ANK1: variants seen among roughly 807,000 people sequenced by gnomAD.
The protein encoded by ANK1 is ankyrin-1.
ANK1 carries 51 observed loss-of-function variants against 210.4 expected under a neutral mutation model. The ratio of observed to expected loss-of-function variants is 0.24; its 90% CI spans 0.19 to 0.31. ANK1 has a LOEUF of 0.31. ANK1 is among the 10% of genes least tolerant of loss of function. The probability of loss-of-function intolerance (pLI) is 1.00; values close to 1 mark genes in which losing one functional copy is unlikely to be tolerated. For synonymous variants in ANK1, 967 were observed against 1,025.9 expected (o/e 0.94, Z 1.10); for missense variants, 2,051 against 2,504.4 (o/e 0.82, Z 3.86).
chr8:41,669,345 G>A (rs1292493371), intron 38 of ANK1, among the ~76,000 whole-genome samples: 1 of 152,006 alleles, frequency 6.6e-6, no homozygotes, highest in African/African-American at 2.4e-5. Flanking sequence ...CTCCCGGGCT[G>A]CAGTGCAGTG....
intron 16 of ANK1, among the ~76,000 whole-genome samples, chr8:41,710,326 T>C (rs1825794780): frequency 1.3e-5 from 2 of 152,238 alleles, no homozygotes; most frequent in Admixed American, 6.5e-5. Flanking sequence ...CAATTCTCTG[T>C]AAGGTTAAGC....
At chr8:41,703,398 A>ATGTGTGTGTG (rs1350275887) in intron 20 of ANK1, among the ~76,000 whole-genome samples, 2 of 93,256 alleles carry the variant, frequency 2.1e-5, no homozygotes, top group African/African-American at 8.9e-5. Flanking sequence ...ATATATATGT[A>ATGTGTGTGTG]TATGTGTGTG....
intron 24 of ANK1, 39 bp downstream of exon 24, chr8:41,698,004 C>T (rs1349073317): frequency 5.0e-6 from 8 of 1,602,910 alleles, no homozygotes; most frequent in Non-Finnish European, 6.8e-6. Context: ...GGTTTTCATG[C>T]CCTCCATGTG....
chr8:41,800,197 C>T (rs137941774), upstream of ANK1, among the ~76,000 whole-genome samples: 37 of 152,268 alleles, frequency 2.4e-4, no homozygotes, highest in Non-Finnish European at 3.5e-4. Flanking sequence ...CAAGCCCCCA[C>T]CCTTTGTTTA....
At chr8:41,740,979 G>A (rs1459816344) in intron 2 of ANK1, among the ~76,000 whole-genome samples, 1 of 152,186 alleles carries the variant, frequency 6.6e-6, no homozygotes, top group Admixed American at 6.5e-5. Flanking sequence ...GACAGGGCAG[G>A]TGAGGATGCT....
upstream of ANK1, among the ~76,000 whole-genome samples, chr8:41,801,052 A>G (rs1849787629): frequency 6.6e-6 from 1 of 152,232 alleles, no homozygotes; most frequent in Non-Finnish European, 1.5e-5. Flanking sequence ...AAATTCAGCC[A>G]GGATTCATTT....
At chr8:41,803,009 GA>G (rs1329817605) in intron 1 of ANK1, among the ~76,000 whole-genome samples, 1 of 82,810 alleles carries the variant, frequency 1.2e-5, no homozygotes, top group African/African-American at 5.3e-5. Context: ...AAGAAAGAAA[GA>G]AAGAAAGAAA....
At chr8:41,804,534 A>C (rs919995340) in intron 1 of ANK1, among the ~76,000 whole-genome samples, 1 of 152,224 alleles carries the variant, frequency 6.6e-6, no homozygotes, top group South Asian at 2.1e-4. Flanking sequence ...TACTAAACTC[A>C]TAAGGTGAGT....
At chr8:41,790,769 T>C (rs1847502010) in intron 1 of ANK1, among the ~76,000 whole-genome samples, 1 of 152,222 alleles carries the variant, frequency 6.6e-6, no homozygotes, top group East Asian at 1.9e-4. Flanking sequence ...AACTTTAGAC[T>C]TTCTGGCTAA....
chr8:41,834,434 T>C (rs1807242791), intron 1 of ANK1, among the ~76,000 whole-genome samples: 1 of 152,240 alleles, frequency 6.6e-6, no homozygotes, highest in African/African-American at 2.4e-5. Flanking sequence ...ACTGGGGTTT[T>C]GTTCTTGCAA....
chr8:41,745,504 C>T (rs75099048), intron 2 of ANK1, among the ~76,000 whole-genome samples: 7 of 152,002 alleles, frequency 4.6e-5, no homozygotes, highest in African/African-American at 1.2e-4. Context: ...TCTATAGATT[C>T]GGAACTACTA....
intron 1 of ANK1, among the ~76,000 whole-genome samples, chr8:41,803,085 G>GGAAGGGAAGGTAAGGA (rs1563811160): frequency 3.3e-5 from 2 of 59,996 alleles, no homozygotes; most frequent in South Asian, 1.4e-3. Flanking sequence ...GGAAGGAAGG[G>GGAAGGGAAGGTAAGGA]AAGGAAAGGA....
At chr8:41,798,368 CTGGGAA>C (rs1849225256), upstream of ANK1, among the ~76,000 whole-genome samples, 1 of 152,152 alleles carries the variant, frequency 6.6e-6, no homozygotes, top group African/African-American at 2.4e-5. Flanking sequence ...AACAACGTTC[CTGGGAA>C]CCGAGGTGAG....
chr8:41,714,517 C>G (rs141444848), intron 15 of ANK1, among the ~76,000 whole-genome samples: 111 of 152,136 alleles, frequency 7.3e-4, no homozygotes, highest in Non-Finnish European at 8.2e-4. Context: ...AGGCCTTTGA[C>G]AGAAAGGCCA....
chr8:41,674,801 C>T lies in ANK1; in HGVS notation c.4538-1889G>A, dbSNP rs544641877. 5.1e-4 allele frequency among the ~76,000 whole-genome samples: 77 copies of T among 152,316 alleles called. No homozygotes were observed. The Middle Eastern group carries it at 0.02, about 40-fold the overall frequency. On this transcript the variant is annotated intron_variant, in intron 37 of 42. Coordinates refer to ENST00000289734, the MANE Select transcript of ANK1 (RefSeq NM_000037.4). ...GGTTGGGAGAAGGGCTGCACAGCGGCAGAGACTGAGGGAAACCCCTTTTAG... is the reference window on the plus strand; with the variant it reads ...GGTTGGGAGAAGGGCTGCACAGCGGTAGAGACTGAGGGAAACCCCTTTTAG...
At chr8:41,857,219 T>C (rs1214227366) in intron 1 of ANK1, among the ~76,000 whole-genome samples, 1 of 150,198 alleles carries the variant, frequency 6.7e-6, no homozygotes, top group Non-Finnish European at 1.5e-5. Flanking sequence ...TCATGAGAAC[T>C]GAAGAAATTC....
chr8:41,846,896 G>A (rs1213137905), intron 1 of ANK1, among the ~76,000 whole-genome samples: 3 of 152,142 alleles, frequency 2.0e-5, no homozygotes, highest in Non-Finnish European at 4.4e-5. Context: ...CATGGCCCGG[G>A]AGCCTGAAGA....
At chr8:41,739,667 G>A (rs1834264624) in intron 2 of ANK1, among the ~76,000 whole-genome samples, 1 of 151,942 alleles carries the variant, frequency 6.6e-6, no homozygotes, top group Non-Finnish European at 1.5e-5. Context: ...GCATGGAGGT[G>A]AGAAGGCTGA....
intron 1 of ANK1, among the ~76,000 whole-genome samples, chr8:41,807,934 AG>A (rs1413799773): frequency 9.8e-5 from 9 of 91,432 alleles, no homozygotes; most frequent in African/African-American, 3.9e-4. Context: ...GGGAAGGAGG[AG>A]GGAGGGGAAG....
Sources: gnomAD v4.1 joint callset for allele counts (sites outside exome capture counted in the v4.1 genomes callset) on GRCh38, gnomAD v4.1.1 for gene constraint, MANE v1.5 for transcripts, NCBI Gene and HGNC (gene_info 2026-07-23, HGNC 2026-07-21) for gene names.